THSD7B: variants seen among roughly 807,000 people sequenced by gnomAD.
THSD7B encodes the protein thrombospondin type 1 domain containing 7B, also known as thrombospondin type-1 domain-containing protein 7B.
Under a neutral mutation model 213.6 loss-of-function variants are expected in THSD7B, and 138 were observed. The observed-to-expected ratio is 0.65, with a 90% CI of 0.56 to 0.74. The LOEUF is 0.74. Ranked by LOEUF, THSD7B falls within the 30% of genes least tolerant of loss-of-function variation. The probability of loss-of-function intolerance (pLI) is 0.00; values close to 1 mark genes in which losing one functional copy is unlikely to be tolerated. For synonymous variants in THSD7B, 742 were observed against 687.0 expected (o/e 1.08, Z -1.25); for missense variants, 1,931 against 1,991.5 (o/e 0.97, Z 0.58).
At chr2:136,984,790 G>A (rs138906961) in intron 2 of THSD7B, among the ~76,000 whole-genome samples, 23 of 152,284 alleles carry the variant, frequency 1.5e-4, no homozygotes, top group Non-Finnish European at 2.6e-4. Context: ...ATTGCTTAGG[G>A]ACTGTTAAAT....
chr2:136,969,835 C>T (rs912685256), intron 2 of THSD7B, among the ~76,000 whole-genome samples: 3 of 152,094 alleles, frequency 2.0e-5, no homozygotes, highest in Non-Finnish European at 4.4e-5. Context: ...GACAAGCTTC[C>T]AATGAGCTTT....
At chr2:136,868,135 C>A (rs960451522) in intron 1 of THSD7B, among the ~76,000 whole-genome samples, 4 of 151,948 alleles carry the variant, frequency 2.6e-5, no homozygotes, top group African/African-American at 9.7e-5. Flanking sequence ...CACACACACA[C>A]ACACACATCC....
intron 10 of THSD7B, among the ~76,000 whole-genome samples, chr2:137,257,296 T>C (rs1682334237): frequency 6.6e-6 from 1 of 152,194 alleles, no homozygotes; most frequent in Non-Finnish European, 1.5e-5. Flanking sequence ...TTTTCATCCA[T>C]CCATCCTGTG....
intron 7 of THSD7B, among the ~76,000 whole-genome samples, chr2:137,191,857 A>AT (rs906017092): frequency 3.3e-5 from 5 of 151,998 alleles, no homozygotes; most frequent in Non-Finnish European, 7.4e-5. Context: ...CCGATTACAC[A>AT]TTTTTTTCTA....
chr2:137,057,298 C>A, intron 3 of THSD7B, 68 bp downstream of exon 3: 1 of 1,375,004 alleles, frequency 7.3e-7, no homozygotes, highest in Non-Finnish European at 9.7e-7. Flanking sequence ...TATAAAGCTT[C>A]TTTATGATTT....
intron 7 of THSD7B, among the ~76,000 whole-genome samples, chr2:137,226,659 G>T (rs897047611): frequency 6.6e-6 from 1 of 151,664 alleles, no homozygotes; most frequent in Non-Finnish European, 1.5e-5. Flanking sequence ...TATTCATCTG[G>T]CTATCTATGC....
intron 1 of THSD7B, among the ~76,000 whole-genome samples, chr2:136,838,547 C>G (rs1682875900): frequency 6.6e-6 from 1 of 152,132 alleles, no homozygotes; most frequent in Admixed American, 6.5e-5. Flanking sequence ...GCCAGTCTTT[C>G]TTGGTTAAAC....
intron 10 of THSD7B, among the ~76,000 whole-genome samples, chr2:137,245,928 G>A (rs887360750): frequency 3.9e-5 from 6 of 152,134 alleles, no homozygotes; most frequent in Non-Finnish European, 8.8e-5. Flanking sequence ...TCAATAGACC[G>A]AAATGGGGCC....
intron 1 of THSD7B, among the ~76,000 whole-genome samples, chr2:136,785,000 C>G (rs80013608): frequency 0.22 from 32,883 of 152,138 alleles, 4,172 homozygotes; most frequent in East Asian, 0.41. Context: ...GTCTCTCTCT[C>G]TCTATATTTT....
chr2:136,889,792 A>G (rs543680312), intron 2 of THSD7B, among the ~76,000 whole-genome samples: 36 of 152,138 alleles, frequency 2.4e-4, no homozygotes, highest in Non-Finnish European at 4.9e-4. Context: ...CACAGCCTGC[A>G]TAGTCATCAT....
At chr2:137,499,259 C>T (rs1283842886) in intron 15 of THSD7B, among the ~76,000 whole-genome samples, 1 of 152,082 alleles carries the variant, frequency 6.6e-6, no homozygotes, top group Non-Finnish European at 1.5e-5. Context: ...GTGTACAGTT[C>T]CTCTTTTAGT....
chr2:137,437,494 G>A (rs774425533), intron 14 of THSD7B, among the ~76,000 whole-genome samples: 2 of 152,046 alleles, frequency 1.3e-5, no homozygotes, highest in African/African-American at 2.4e-5. Context: ...GAATTATATC[G>A]CCACTTGACA....
At chr2:136,930,456 C>T (rs1558856639) in intron 2 of THSD7B, among the ~76,000 whole-genome samples, 1 of 152,174 alleles carries the variant, frequency 6.6e-6, no homozygotes, top group African/African-American at 2.4e-5. Context: ...ACTGAAGAAG[C>T]TTTAAGACTA....
intron 15 of THSD7B, among the ~76,000 whole-genome samples, chr2:137,456,474 G>C (rs1693571405): frequency 6.6e-6 from 1 of 152,172 alleles, no homozygotes; most frequent in African/African-American, 2.4e-5. Flanking sequence ...GGTTTTATCA[G>C]TGTTGGCCTC....
chr2:136,894,120 C>G (rs759520562), intron 2 of THSD7B, among the ~76,000 whole-genome samples: 4 of 152,158 alleles, frequency 2.6e-5, no homozygotes, highest in Admixed American at 6.5e-5. Flanking sequence ...TTCATGAATA[C>G]ACTTCACTAC....
At chr2:137,579,209 T>G (rs897740026) in intron 17 of THSD7B, among the ~76,000 whole-genome samples, 5 of 152,108 alleles carry the variant, frequency 3.3e-5, no homozygotes, top group African/African-American at 4.8e-5. Flanking sequence ...GCTTTACTTT[T>G]CCCAAATAAT....
At chr2:137,282,486 A>G (rs1245893406) in intron 12 of THSD7B, among the ~76,000 whole-genome samples, 1 of 152,154 alleles carries the variant, frequency 6.6e-6, no homozygotes. Context: ...GCCTGTGCCT[A>G]TGTCCTGAAT....
intron 12 of THSD7B, among the ~76,000 whole-genome samples, chr2:137,306,766 G>A (rs77331149): frequency 0.056 from 8,441 of 151,848 alleles, 323 homozygotes; most frequent in East Asian, 0.099. Flanking sequence ...CCTTTTAAAA[G>A]TGTTTTCATT....
chr2:137,565,460 G>A (rs1020047517), intron 16 of THSD7B, among the ~76,000 whole-genome samples: 4 of 152,104 alleles, frequency 2.6e-5, no homozygotes, highest in Non-Finnish European at 5.9e-5. Flanking sequence ...TTTTACAACA[G>A]TCAACTCCCA....
Sources: allele counts gnomAD v4.1 joint callset (sites outside exome capture counted in the v4.1 genomes callset), GRCh38; gene constraint gnomAD v4.1.1; transcripts MANE v1.5; gene names NCBI Gene and HGNC (gene_info 2026-07-23, HGNC 2026-07-21).